The following CIMIP4 variants were observed in gnomAD, a reference collection of about 807,000 sequenced individuals.
The protein encoded by CIMIP4 is protein EAN57.
At chr22:36,996,051 G>A in the CIMIP4 span, among the ~76,000 whole-genome samples, 12 of 151,998 alleles carry the variant, frequency 7.9e-5, no homozygotes, top group Non-Finnish European at 1.6e-4. Flanking sequence ...GACTGGCAGG[G>A]TTTAAATCCC....
At chr22:36,993,524 A>G in the CIMIP4 span, among the ~76,000 whole-genome samples, 1 of 151,518 alleles carries the variant, frequency 6.6e-6, no homozygotes, top group African/African-American at 2.4e-5. Flanking sequence ...AAAGCAGCAC[A>G]CCATCCTGGC....
the CIMIP4 span, among the ~76,000 whole-genome samples, chr22:36,997,566 C>A: frequency 6.6e-6 from 1 of 152,204 alleles, no homozygotes; most frequent in Non-Finnish European, 1.5e-5. Context: ...GTGCACTAGC[C>A]CAGCTTCCAA....
chr22:36,997,411 C>T, the CIMIP4 span, among the ~76,000 whole-genome samples: 3 of 152,144 alleles, frequency 2.0e-5, no homozygotes, highest in Admixed American at 1.3e-4. Context: ...ACGTTAATTC[C>T]TCTCTCACCC....
chr22:37,001,715 A>G, the CIMIP4 span: 2 of 1,032,764 alleles, frequency 1.9e-6, no homozygotes, highest in South Asian at 3.7e-5. Flanking sequence ...GGCACACAGC[A>G]GATGCTCAGG....
chr22:37,001,840 C>T, the CIMIP4 span: 3 of 1,577,148 alleles, frequency 1.9e-6, no homozygotes, highest in Admixed American at 1.8e-5. Context: ...ATGACACCTG[C>T]TCCTCGGAGA....
At chr22:37,002,330 G>C in the CIMIP4 span, 1 of 1,303,396 alleles carries the variant, frequency 7.7e-7, no homozygotes. Context: ...GAAACAGAGG[G>C]GGAGGGAGAG....
At chr22:36,993,906 T>C in the CIMIP4 span, among the ~76,000 whole-genome samples, 1 of 152,170 alleles carries the variant, frequency 6.6e-6, no homozygotes, top group African/African-American at 2.4e-5. Context: ...GTATGTATCA[T>C]TGAAGGCATA....
the CIMIP4 span, among the ~76,000 whole-genome samples, chr22:37,002,687 T>TC: frequency 6.6e-6 from 1 of 152,138 alleles, no homozygotes; most frequent in Non-Finnish European, 1.5e-5. Flanking sequence ...ATAGTTCCCT[T>TC]CCCCACTTTT....
chr22:36,991,362 T>A, the CIMIP4 span: 2,334 of 1,552,524 alleles, frequency 1.5e-3, 29 homozygotes, highest in African/African-American at 0.026. Flanking sequence ...GACTCGTACC[T>A]CTTCCAAGTC....
At chr22:36,999,898 G>A in the CIMIP4 span, 1 of 1,613,962 alleles carries the variant, frequency 6.2e-7, no homozygotes, top group Non-Finnish European at 8.5e-7. Context: ...AGAAGACGGA[G>A]GAGATTTCCA....
chr22:37,001,512 G>C, the CIMIP4 span, among the ~76,000 whole-genome samples: 4 of 152,164 alleles, frequency 2.6e-5, no homozygotes, highest in African/African-American at 9.7e-5. Flanking sequence ...TTAAGGATCA[G>C]AGTTCCAGAA....
At chr22:36,999,826 C>A in the CIMIP4 span, 1 of 1,609,158 alleles carries the variant, frequency 6.2e-7, no homozygotes, top group Admixed American at 1.7e-5. Flanking sequence ...CCCACCCTTG[C>A]CCTTTGACTT....
the CIMIP4 span, chr22:37,007,646 C>T: frequency 6.6e-6 from 1 of 152,248 alleles, no homozygotes; most frequent in South Asian, 2.1e-4. Context: ...AGTCTTCACT[C>T]ACAAGCAACT....
At chr22:36,999,282 C>T in the CIMIP4 span, among the ~76,000 whole-genome samples, 1 of 147,804 alleles carries the variant, frequency 6.8e-6, no homozygotes, top group Non-Finnish European at 1.5e-5. Flanking sequence ...TATGGTGAAA[C>T]CTTGCCTCTA....
the CIMIP4 span, among the ~76,000 whole-genome samples, chr22:36,992,928 A>G: frequency 1.3e-5 from 2 of 150,212 alleles, no homozygotes; most frequent in Non-Finnish European, 3.0e-5. Flanking sequence ...TCCTATATAT[A>G]ATACATATAT....
chr22:37,003,731 T>C, the CIMIP4 span, among the ~76,000 whole-genome samples: 1 of 152,086 alleles, frequency 6.6e-6, no homozygotes, highest in Non-Finnish European at 1.5e-5. Flanking sequence ...ATGGAGACCA[T>C]ATCGGGGTGA....
At chr22:36,997,207 CA>C in the CIMIP4 span, among the ~76,000 whole-genome samples, 1 of 152,080 alleles carries the variant, frequency 6.6e-6, no homozygotes, top group Admixed American at 6.5e-5. Flanking sequence ...ATACTAAAAA[CA>C]AAAATCAACC....
chr22:36,993,253 G>T, the CIMIP4 span, among the ~76,000 whole-genome samples: 3 of 151,622 alleles, frequency 2.0e-5, no homozygotes, highest in Non-Finnish European at 2.9e-5. Flanking sequence ...CTTGTGATCC[G>T]CCCATCTCGG....
the CIMIP4 span, among the ~76,000 whole-genome samples, chr22:37,003,706 A>G: frequency 5.3e-5 from 8 of 152,140 alleles, no homozygotes; most frequent in African/African-American, 1.9e-4. Context: ...AGAGCACCTG[A>G]GTCACCCCCT....
Sources: allele counts gnomAD v4.1 joint callset (sites outside exome capture counted in the v4.1 genomes callset), GRCh38; gene constraint gnomAD v4.1.1; transcripts MANE v1.5; gene names NCBI Gene and HGNC (gene_info 2026-07-23, HGNC 2026-07-21).